CFAP61: variants seen among roughly 807,000 people sequenced by gnomAD.
CFAP61 encodes the protein cilia- and flagella-associated protein 61.
CFAP61 carries 107 observed loss-of-function variants against 135.6 expected under a neutral mutation model. The observed-to-expected ratio is 0.79, with a 90% CI of 0.67 to 0.93. The LOEUF is 0.93. Among genes scored for constraint, CFAP61 ranks in the 40% least tolerant of loss-of-function variants. The pLI, the probability that CFAP61 is intolerant of heterozygous loss-of-function variation, is 0.00. For missense variants in CFAP61, 1,507 were observed against 1,556.2 expected (o/e 0.97, Z 0.53); for synonymous variants, 575 against 578.5 (o/e 0.99, Z 0.09).
intron 25 of CFAP61, among the ~76,000 whole-genome samples, chr20:20,301,216 C>T (rs1569268858): frequency 2.0e-5 from 3 of 152,078 alleles, no homozygotes; most frequent in Non-Finnish European, 2.9e-5. Context: ...CTTTTTAAAT[C>T]TTTTATGCCA....
At chr20:20,144,510 T>G (rs79440148) in intron 9 of CFAP61, among the ~76,000 whole-genome samples, 1 of 151,976 alleles carries the variant, frequency 6.6e-6, no homozygotes, top group African/African-American at 2.4e-5. Context: ...AAATGAGATG[T>G]TTTTTCAAGA....
intron 8 of CFAP61, among the ~76,000 whole-genome samples, chr20:20,106,049 T>A (rs1239333112): frequency 8.5e-5 from 9 of 105,960 alleles, no homozygotes; most frequent in South Asian, 2.7e-4. Flanking sequence ...TATATATATA[T>A]AAAATTTGAT....
chr20:20,166,735 A>G (rs930135392), intron 12 of CFAP61, among the ~76,000 whole-genome samples: 2 of 59,144 alleles, frequency 3.4e-5, no homozygotes, highest in Non-Finnish European at 7.8e-5. Flanking sequence ...ATTAAAGTGA[A>G]TGACACTGTT....
intron 20 of CFAP61, among the ~76,000 whole-genome samples, chr20:20,255,104 A>T (rs2051420046): frequency 6.6e-6 from 1 of 152,032 alleles, no homozygotes; most frequent in South Asian, 2.1e-4. Flanking sequence ...ATTATCTACA[A>T]CCTCTCCATT....
intron 17 of CFAP61, among the ~76,000 whole-genome samples, chr20:20,203,275 A>G (rs1281181475): frequency 3.3e-5 from 5 of 152,186 alleles, no homozygotes; most frequent in Non-Finnish European, 7.3e-5. Context: ...GTGTGAATGC[A>G]TGGGTAAGAG....
intron 18 of CFAP61, among the ~76,000 whole-genome samples, chr20:20,233,524 C>G (rs574407959): frequency 2.0e-5 from 3 of 152,118 alleles, no homozygotes; most frequent in Non-Finnish European, 4.4e-5. Flanking sequence ...ACAGGGCATA[C>G]GGGACATCAG....
At chr20:20,144,624 C>T (rs533657250) in intron 9 of CFAP61, among the ~76,000 whole-genome samples, 24 of 151,306 alleles carry the variant, frequency 1.6e-4, no homozygotes, top group African/African-American at 5.3e-4. Flanking sequence ...AAAACACATT[C>T]GAAGAAATAA....
Position 20,298,355 on chromosome 20 carries a change from T to G in CFAP61, c.3391T>G (p.Tyr1131Asp). Residue 1131 changes from tyrosine (Y) to aspartate (D), a missense_variant, in exon 25 of 27, where the codon TAC becomes GAC. Transcript: ENST00000245957. ...EQLLNNLCAR[Y>D]DENLITDLYS... ...ACTCCTCAACAACCTGTGTGCTCGG[T>G]ACGATGAAAACCTGATCACAGATCT... The G allele has an allele frequency of 1.2e-6, 2 of 1,614,186 alleles. No homozygotes were observed. Among genetic ancestry groups the G allele is most frequent in the Non-Finnish European group, 1.7e-6 (2 of 1,180,036 alleles).
chr20:20,283,080 G>A (rs747569066), intron 22 of CFAP61, among the ~76,000 whole-genome samples: 72 of 152,292 alleles, frequency 4.7e-4, no homozygotes, highest in Admixed American at 2.8e-3. Flanking sequence ...GGTGATGTTC[G>A]ACGCTCATAA....
At chr20:20,091,060 C>T (rs1482467417) in intron 7 of CFAP61, 84 bp downstream of exon 7, 1 of 1,491,500 alleles carries the variant, frequency 6.7e-7, no homozygotes, top group Admixed American at 1.7e-5. Flanking sequence ...GCTGGGCACC[C>T]CTGGAGCTGC....
At chr20:20,262,221 G>T (rs1304463618) in intron 20 of CFAP61, among the ~76,000 whole-genome samples, 1 of 152,096 alleles carries the variant, frequency 6.6e-6, no homozygotes, top group African/African-American at 2.4e-5. Flanking sequence ...CCTGGTCCTG[G>T]GCAGGCCTTT....
chr20:20,121,139 C>G (rs1423930416), intron 8 of CFAP61, among the ~76,000 whole-genome samples: 1 of 146,566 alleles, frequency 6.8e-6, no homozygotes, highest in Non-Finnish European at 1.5e-5. Context: ...CAGGGTCTCC[C>G]TCTGTCACCC....
intron 17 of CFAP61, among the ~76,000 whole-genome samples, chr20:20,209,042 A>G (rs1030154582): frequency 1.3e-5 from 2 of 152,192 alleles, no homozygotes; most frequent in African/African-American, 4.8e-5. Context: ...TGTCTTCATT[A>G]TAAGTTAGGA....
chr20:20,324,460 C>CT (rs2057672452), intron 25 of CFAP61, among the ~76,000 whole-genome samples: 1 of 152,048 alleles, frequency 6.6e-6, no homozygotes, highest in Admixed American at 6.6e-5. Flanking sequence ...TTTTTAATGG[C>CT]TTTTTTATCT....
intron 17 of CFAP61, among the ~76,000 whole-genome samples, chr20:20,206,396 AC>A (rs1451725957): frequency 6.6e-6 from 1 of 152,184 alleles, no homozygotes; most frequent in African/African-American, 2.4e-5. Context: ...TGCAAAAGGA[AC>A]CTGTACCCAT....
chr20:20,141,110 G>A (rs1465919629), intron 8 of CFAP61, among the ~76,000 whole-genome samples: 12 of 151,970 alleles, frequency 7.9e-5, no homozygotes, highest in Non-Finnish European at 1.6e-4. Context: ...AAGTAGAGAC[G>A]AAGTTTCATC....
Position 20,277,434 on chromosome 20 carries a change from C to G in CFAP61, c.2772C>G (p.Thr924=). Residue 924 remains threonine, a synonymous_variant, in exon 22 of 27, where the codon ACC becomes ACG. Transcript: ENST00000245957. ...ACAGCGCCTCCTTCACCACACCCAC[C>G]AAGCCTTTCAGACTCCAGTGCTCTG... ...PIYSASFTTP[T]KPFRLQCSMF... 6.2e-7 allele frequency: 1 copy of G among 1,612,324 alleles called. No homozygotes were observed. Among genetic ancestry groups the G allele is most frequent in the South Asian group, 1.1e-5 (1 of 90,870 alleles).
Position 20,263,054 on chromosome 20 carries a change from C to T in CFAP61, c.2427C>T (p.Asn809=). ...QRRYTGKVPC[N]HFTLNEEEDC... The stretch of plus-strand genomic sequence containing the variant: ...GGTACACGGGGAAAGTTCCTTGCAA[C>T]CATTTCACTCTCAACGAGGAAGAGG... Residue 809 remains asparagine, a synonymous_variant, in exon 21 of 27, where the codon AAC becomes AAT. Transcript: ENST00000245957. The T allele has an allele frequency of 6.2e-7, 1 of 1,613,958 alleles. No homozygotes were observed. The highest frequency in any genetic ancestry group is 8.5e-7 in the Non-Finnish European group (1 of 1,179,902).
chr20:20,175,482 T>TTTTTTG (rs2054543584), intron 13 of CFAP61, among the ~76,000 whole-genome samples: 1 of 144,844 alleles, frequency 6.9e-6, no homozygotes, highest in East Asian at 2.0e-4. Context: ...TTCTGGTTTT[T>TTTTTTG]TTTTTGTTTT....
Sources: gnomAD v4.1 joint callset for allele counts (sites outside exome capture counted in the v4.1 genomes callset) on GRCh38, gnomAD v4.1.1 for gene constraint, MANE v1.5 for transcripts, NCBI Gene and HGNC (gene_info 2026-07-23, HGNC 2026-07-21) for gene names.